EEF1E1: variants seen among roughly 807,000 people sequenced by gnomAD.
The protein encoded by EEF1E1 is eukaryotic translation elongation factor 1 epsilon-1.
In EEF1E1, 19 loss-of-function variants were observed where a neutral mutation model predicts 19.9. The ratio of observed to expected loss-of-function variants is 0.95; its 90% CI spans 0.66 to 1.40. EEF1E1 has a LOEUF of 1.40. EEF1E1 is among the 40% of genes most tolerant of loss of function. EEF1E1 has a pLI of 0.00. For synonymous variants in EEF1E1, 81 were observed against 80.0 expected (o/e 1.01, Z -0.07); for missense variants, 198 against 202.2 (o/e 0.98, Z 0.13).
At chr6:8,080,736 A>C (rs990258981) in intron 3 of EEF1E1, among the ~76,000 whole-genome samples, 1 of 152,238 alleles carries the variant, frequency 6.6e-6, no homozygotes, top group African/African-American at 2.4e-5. Flanking sequence ...AGGTAAAGAG[A>C]AAACCAGTAG....
rs761018391 is a variant in EEF1E1 at position 8,092,868 on chromosome 6, G to GCTT, written c.289-2590_289-2588dup. Among the ~76,000 whole-genome samples the GCTT allele has an allele frequency of 6.5e-5, 7 of 108,202 alleles. No homozygotes were observed. In the Admixed American group the frequency reaches 7.1e-4, roughly 11 times the overall value. 71.0% of individuals were successfully genotyped at this position (108,202 alleles called of 152,430 possible). A position where few individuals can be genotyped will look rare whatever the true frequency, so the allele number is the denominator to read the frequency against. ...GTTTTGTGTTTTAGTGATAAAGACT[G>GCTT]CTTTTTTTTTTTTTTTTTTTTTTTG... On this transcript the variant is annotated intron_variant, in intron 2 of 3. Transcript: ENST00000379715.
intron 3 of EEF1E1, 44 bp downstream of exon 3, chr6:8,090,142 C>T: frequency 7.0e-7 from 1 of 1,432,852 alleles, no homozygotes; most frequent in Non-Finnish European, 9.4e-7. Flanking sequence ...AAAAATCATT[C>T]TCAACACTAC....
chr6:8,077,005 GC>G (rs1361095781), downstream of EEF1E1, among the ~76,000 whole-genome samples: 2 of 131,964 alleles, frequency 1.5e-5, no homozygotes, highest in Admixed American at 7.8e-5. Flanking sequence ...TGCAGTGGCA[GC>G]GATCTCGGCT....
intron 2 of EEF1E1, among the ~76,000 whole-genome samples, chr6:8,092,460 C>T (rs73719909): frequency 0.19 from 28,343 of 151,938 alleles, 2,858 homozygotes; most frequent in Admixed American, 0.25. Flanking sequence ...TTTTCTCTGA[C>T]GATTTTCATT....
intron 3 of EEF1E1, among the ~76,000 whole-genome samples, chr6:8,083,647 C>T (rs911083581): frequency 3.3e-5 from 5 of 152,158 alleles, no homozygotes; most frequent in African/African-American, 1.2e-4. Context: ...AAATTGGGCT[C>T]ACAATGAAAC....
chr6:8,080,978 T>C (rs1253459896), intron 3 of EEF1E1, among the ~76,000 whole-genome samples: 1 of 152,272 alleles, frequency 6.6e-6, no homozygotes, highest in African/African-American at 2.4e-5. Flanking sequence ...ATACCTGTTC[T>C]GCAGACAAGC....
chr6:8,099,753 C>A (rs12529901), intron 1 of EEF1E1, among the ~76,000 whole-genome samples: 1,849 of 60,066 alleles, frequency 0.031, 40 homozygotes, highest in South Asian at 0.08. Context: ...GCCTCAAAAA[C>A]ACACACACAC....
rs1757971730 is a variant in EEF1E1 at position 8,089,981 on chromosome 6, TA to T, written c.384+204del. On this transcript the variant is annotated intron_variant, in intron 3 of 3. Transcript: ENST00000379715. ...ATTTAAATTCAAGACAAAGTTTTTTTAAATTTTATTATTATTATACTTTAAG... is the reference window on the plus strand; with the variant it reads ...ATTTAAATTCAAGACAAAGTTTTTTTAATTTTATTATTATTATACTTTAAG... 4 of 403,298 alleles carry T rather than the reference TA, an allele frequency of 9.9e-6. No individual in the cohort carries two copies. The South Asian group carries it at 4.2e-4, about 42-fold the overall frequency. The allele number at this position is 403,298 out of a possible 1,614,324, so 25.0% of individuals were successfully genotyped here. A position where few individuals can be genotyped will look rare whatever the true frequency, so the allele number is the denominator to read the frequency against.
downstream of EEF1E1, among the ~76,000 whole-genome samples, chr6:8,076,961 G>A (rs928278674): frequency 1.3e-5 from 1 of 79,734 alleles, no homozygotes; most frequent in Non-Finnish European, 2.5e-5. Flanking sequence ...TTTTTTTTTT[G>A]AGATGGAGTC....
chr6:8,074,223 G>T (rs1395996570), intron 3 of EEF1E1, among the ~76,000 whole-genome samples: 1 of 152,168 alleles, frequency 6.6e-6, no homozygotes, highest in South Asian at 2.1e-4. Context: ...CCAAAGGTGG[G>T]CTAATTTCCT....
chr6:8,099,417 T>G (rs913514409), intron 1 of EEF1E1, among the ~76,000 whole-genome samples: 2 of 152,204 alleles, frequency 1.3e-5, no homozygotes, highest in Non-Finnish European at 2.9e-5. Flanking sequence ...ATCATATACC[T>G]ACTATTTGTG....
downstream of EEF1E1, chr6:8,079,353 C>T: frequency 1.0e-6 from 1 of 955,904 alleles, no homozygotes. Flanking sequence ...TAGTTTCACC[C>T]CAATGAGTAC....
At chr6:8,089,864 G>C (rs1757968557) in intron 3 of EEF1E1, 1 of 298,024 alleles carries the variant, frequency 3.4e-6, no homozygotes, top group African/African-American at 2.1e-5. Context: ...AAGAAGGGCA[G>C]AAGCATAGGA....
chr6:8,088,628 A>G (rs909013514), intron 3 of EEF1E1, among the ~76,000 whole-genome samples: 13 of 152,208 alleles, frequency 8.5e-5, no homozygotes, highest in Non-Finnish European at 2.9e-5. Context: ...TTCCCCAGCC[A>G]CTGTTAAGTC....
downstream of EEF1E1, among the ~76,000 whole-genome samples, chr6:8,075,257 C>A (rs1355521009): frequency 2.0e-5 from 3 of 152,056 alleles, no homozygotes; most frequent in African/African-American, 7.3e-5. Flanking sequence ...TCCGAACATA[C>A]AAATACAAAT....
chr6:8,094,961 A>G (rs1190582533), intron 2 of EEF1E1, among the ~76,000 whole-genome samples: 2 of 152,308 alleles, frequency 1.3e-5, no homozygotes, highest in East Asian at 3.9e-4. Context: ...CACATAAAAT[A>G]CAAAATATGT....
chr6:8,093,871 C>T (rs1000313789), intron 2 of EEF1E1, among the ~76,000 whole-genome samples: 7 of 151,812 alleles, frequency 4.6e-5, no homozygotes, highest in Admixed American at 1.3e-4. Context: ...GACCCTGGCT[C>T]ACTGCAACCT....
chr6:8,075,524 T>C (rs1487256119), downstream of EEF1E1, among the ~76,000 whole-genome samples: 2 of 152,222 alleles, frequency 1.3e-5, no homozygotes, highest in East Asian at 3.8e-4. Context: ...AACAGCATTA[T>C]GTCTAAAACC....
downstream of EEF1E1, among the ~76,000 whole-genome samples, chr6:8,074,980 C>T (rs1757558462): frequency 6.6e-6 from 1 of 152,204 alleles, no homozygotes; most frequent in Non-Finnish European, 1.5e-5. Context: ...TTCCTCACTG[C>T]TGACCTAAAA....
Sources: allele counts gnomAD v4.1 joint callset (sites outside exome capture counted in the v4.1 genomes callset), GRCh38; gene constraint gnomAD v4.1.1; transcripts MANE v1.5; gene names NCBI Gene and HGNC (gene_info 2026-07-23, HGNC 2026-07-21).